YWHAZ: variants seen among roughly 807,000 people sequenced by gnomAD.
The protein encoded by YWHAZ is tyrosine 3-monooxygenase/tryptophan 5-monooxygenase activation protein zeta.
For missense variants in YWHAZ, 79 were observed against 284.8 expected (o/e 0.28, Z 5.20); for synonymous variants, 87 against 103.6 (o/e 0.84, Z 0.97).
At chr8:100,940,062 C>G (rs868199771) in intron 2 of YWHAZ, among the ~76,000 whole-genome samples, 1 of 99,026 alleles carries the variant, frequency 1.0e-5, no homozygotes, top group African/African-American at 4.0e-5. Context: ...GACTCCGTCT[C>G]AAAAAAAAAA....
chr8:100,948,857 T>C lies in YWHAZ; in HGVS notation c.33A>G (p.Lys11=). 6.3e-7 allele frequency: 1 copy of C among 1,597,550 alleles called. No individual in the cohort carries two copies. Among genetic ancestry groups the C allele is most frequent in the Admixed American group, 1.7e-5 (1 of 59,962 alleles). Residue 11 remains lysine, a synonymous_variant, in exon 2 of 6, where the codon AAA becomes AAG. Transcript: ENST00000395958. This position sits in a 1 kb window ranked among gnomAD's most constrained non-coding sequence, Gnocchi z 4.2. MDKNELVQKA[K]LAEQAERYDD... is the part of the protein sequence containing the mutation. ...CATATCGCTCAGCCTGCTCGGCCAGTTTGGCCTTCTGAACCAGCTCATTTT... is the reference window on the plus strand; with the variant it reads ...CATATCGCTCAGCCTGCTCGGCCAGCTTGGCCTTCTGAACCAGCTCATTTT...
chr8:100,919,274 TAA>T lies in YWHAZ; in HGVS notation c.*1417_*1418del, dbSNP rs1315114110. 6.6e-6 allele frequency: 1 copy of T among 152,660 alleles called. No homozygotes were observed. The highest frequency in any genetic ancestry group is 1.5e-5 in the Non-Finnish European group (1 of 68,050). 9.5% of individuals were successfully genotyped at this position (152,660 alleles called of 1,614,324 possible). On this transcript the variant is annotated 3_prime_UTR_variant, in exon 6 of 6. Coordinates refer to ENST00000395958, the MANE Select transcript of YWHAZ (RefSeq NM_145690.3). ...AAGGATCAAAATTGAAGGCAGGCTA[TAA>T]GAGTATCAAGAAATTCTTAAAAACC...
Position 100,942,933 on chromosome 8 carries a change from T to A in YWHAZ, c.294+5663A>T, listed in dbSNP as rs551368879. 1.4e-3 allele frequency among the ~76,000 whole-genome samples: 213 copies of A among 152,344 alleles called. 2 individuals carry two copies. The highest frequency in any genetic ancestry group is 5.4e-3 in the Admixed American group (82 of 15,304). ...TTTGTCCATTAAAAGCACATCAAGTTTATCCATACAGTATCATTTTCCTAT... is the reference window on the plus strand; with the variant it reads ...TTTGTCCATTAAAAGCACATCAAGTATATCCATACAGTATCATTTTCCTAT... On this transcript the variant is annotated intron_variant, in intron 2 of 5. Coordinates refer to ENST00000395958, the MANE Select transcript of YWHAZ (RefSeq NM_145690.3).
intron 2 of YWHAZ, among the ~76,000 whole-genome samples, chr8:100,936,360 G>T (rs182272598): frequency 6.7e-4 from 102 of 152,326 alleles, no homozygotes; most frequent in Admixed American, 2.8e-3. Context: ...GCACCATGGG[G>T]TGTGTTTTCA....
In YWHAZ at chr8:100,943,856, G is replaced by A. The variant is rs144535522; in HGVS notation, c.294+4740C>T. On this transcript the variant is annotated intron_variant, in intron 2 of 5. Transcript: ENST00000395958. ...AATACAATTAGCTGGGTGTGGTGGCGGGCACCTGTAGTCCCAGCTACTCGG... is the reference window on the plus strand; with the variant it reads ...AATACAATTAGCTGGGTGTGGTGGCAGGCACCTGTAGTCCCAGCTACTCGG... Among the ~76,000 whole-genome samples the A allele has an allele frequency of 5.9e-3, 901 of 151,956 alleles. 9 individuals are homozygous for A. Among genetic ancestry groups the A allele is most frequent in the African/African-American group, 0.02 (845 of 41,460 alleles).
intron 1 of YWHAZ, among the ~76,000 whole-genome samples, chr8:100,949,504 A>G (rs1391216636): frequency 6.6e-6 from 1 of 151,994 alleles, no homozygotes; most frequent in Non-Finnish European, 1.5e-5. Flanking sequence ...GGAATGACCA[A>G]CTGTTTGTTT....
intron 2 of YWHAZ, among the ~76,000 whole-genome samples, chr8:100,947,479 T>C (rs1008675029): frequency 2.6e-5 from 4 of 152,168 alleles, no homozygotes; most frequent in African/African-American, 9.7e-5. Flanking sequence ...AATAAGCATG[T>C]TTAAAAAATC....
chr8:100,951,349 G>C (rs1350401725), intron 1 of YWHAZ: 9 of 984,274 alleles, frequency 9.1e-6, no homozygotes, highest in Non-Finnish European at 9.6e-6. Flanking sequence ...CCGCCTCCCG[G>C]GGTGGGGGAG....
At position 100,922,321 on chromosome 8, in the gene YWHAZ, C is replaced by G. The variant is rs774907784; in HGVS notation, c.679-1569G>C. ...CAACCTATAATGGTGACAGCTGACA[C>G]TAATAAGGCTCAGAGAAGACATACA... On this transcript the variant is annotated intron_variant, in intron 5 of 5. Transcript: ENST00000395958. This position sits in a 1 kb window ranked among gnomAD's most constrained non-coding sequence, Gnocchi z 4.1. 1 of 151,898 alleles carries G rather than the reference C, an allele frequency of 6.6e-6. No homozygotes were observed. Among genetic ancestry groups the G allele is most frequent in the Non-Finnish European group, 1.5e-5 (1 of 68,012 alleles). 9.4% of individuals were successfully genotyped at this position (151,898 alleles called of 1,614,324 possible). A position where few individuals can be genotyped will look rare whatever the true frequency, so the allele number is the denominator to read the frequency against.
At chr8:100,936,077 C>G (rs528953064) in intron 2 of YWHAZ, among the ~76,000 whole-genome samples, 1 of 152,240 alleles carries the variant, frequency 6.6e-6, no homozygotes, top group South Asian at 2.1e-4. Flanking sequence ...AATAGCCAAC[C>G]TGCCACTATA....
intron 5 of YWHAZ, chr8:100,923,170 A>C (rs1347418180): frequency 6.6e-6 from 1 of 151,844 alleles, no homozygotes; most frequent in African/African-American, 2.4e-5. Context: ...GAAGTCTAAC[A>C]AAAAAACAGT....
intron 2 of YWHAZ, among the ~76,000 whole-genome samples, chr8:100,932,558 A>G (rs1266741303): frequency 6.6e-6 from 1 of 152,212 alleles, no homozygotes; most frequent in African/African-American, 2.4e-5. Flanking sequence ...TTATTTTCCA[A>G]AGTTCTCATT....
intron 2 of YWHAZ, among the ~76,000 whole-genome samples, chr8:100,941,292 G>A (rs1033574109): frequency 1.1e-4 from 17 of 152,112 alleles, no homozygotes; most frequent in African/African-American, 2.7e-4. Flanking sequence ...TGTTTATTAC[G>A]TTTAAGGAGC....
At chr8:100,920,899 A>C (rs558150545) in intron 5 of YWHAZ, 147 bp from the exon 6 acceptor site, 1 of 719,834 alleles carries the variant, frequency 1.4e-6, no homozygotes, top group East Asian at 2.6e-5. Context: ...AAGATACAAA[A>C]ACATCTCAAT....
chr8:100,952,018 G>C lies in YWHAZ; in HGVS notation c.-101C>G. 1 of 997,258 alleles carries C rather than the reference G, an allele frequency of 1.0e-6. No homozygotes were observed. The highest frequency in any genetic ancestry group is 1.2e-6 in the Non-Finnish European group (1 of 838,072). The allele number at this position is 997,258 out of a possible 1,614,324, so 61.8% of individuals were successfully genotyped here. A position where few individuals can be genotyped will look rare whatever the true frequency, so the allele number is the denominator to read the frequency against. ...GCAGCAGCGGCGAGGCTGAGACTCT[G>C]TCCCTGGATCTCGCTGCTCACAGGC... On this transcript the variant is annotated 5_prime_UTR_variant, in exon 1 of 6. Coordinates refer to ENST00000395958, the MANE Select transcript of YWHAZ (RefSeq NM_145690.3).
At chr8:100,950,697 C>T (rs1810677889) in intron 1 of YWHAZ, 1 of 718,098 alleles carries the variant, frequency 1.4e-6, no homozygotes, top group Non-Finnish European at 1.7e-6. Context: ...CGCCCGACCC[C>T]GGGGCAGAGA....
rs1224379809 is a variant in YWHAZ, at chr8:100,919,676, G to A, written c.*1017C>T. The A allele has an allele frequency of 6.6e-6, 1 of 152,552 alleles. No individual in the cohort carries two copies. Among genetic ancestry groups the A allele is most frequent in the East Asian group, 1.9e-4 (1 of 5,200 alleles). 9.4% of individuals were successfully genotyped at this position (152,552 alleles called of 1,614,324 possible). ...GAACCAAGACTAATTTACATGAAAAGCTGTAGAGAAAGTAGTTGAAAAGTC... is the reference window on the plus strand; with the variant it reads ...GAACCAAGACTAATTTACATGAAAAACTGTAGAGAAAGTAGTTGAAAAGTC... On this transcript the variant is annotated 3_prime_UTR_variant, in exon 6 of 6. Transcript: ENST00000395958.
In YWHAZ at chr8:100,918,443, T is replaced by TATATATATAA. The variant is rs1417316114; in HGVS notation, c.*2249_*2250insTTATATATAT. 2 of 117,072 alleles carry TATATATATAA rather than the reference T, an allele frequency of 1.7e-5. No individual in the cohort carries two copies. Among genetic ancestry groups the TATATATATAA allele is most frequent in the African/African-American group, 6.8e-5 (2 of 29,618 alleles). 7.3% of individuals were successfully genotyped at this position (117,072 alleles called of 1,614,324 possible). On this transcript the variant is annotated 3_prime_UTR_variant, in exon 6 of 6. Transcript: ENST00000395958. Reference sequence around the variant, plus strand: ...ATATATATATATATATATATATATATAATTATTTTACCTCCTTGGCTTGGG... The same window carrying TATATATATAA: ...ATATATATATATATATATATATATATATATATATAAAATTATTTTACCTCCTTGGCTTGGG...
At chr8:100,934,650 C>T (rs1386132105) in intron 2 of YWHAZ, among the ~76,000 whole-genome samples, 2 of 152,062 alleles carry the variant, frequency 1.3e-5, no homozygotes, top group Non-Finnish European at 2.9e-5. Context: ...GTGCCATCTG[C>T]ACTCCAACCT....
Sources: allele counts gnomAD v4.1 joint callset (sites outside exome capture counted in the v4.1 genomes callset), GRCh38; gene constraint gnomAD v4.1.1; non-coding constraint Gnocchi (gnomAD v3.1); transcripts MANE v1.5; gene names NCBI Gene and HGNC (gene_info 2026-07-23, HGNC 2026-07-21).